ZBTB20: variants seen among roughly 807,000 people sequenced by gnomAD.
The protein encoded by ZBTB20 is zinc finger and BTB domain-containing protein 20.
A neutral mutation model predicts 56.9 loss-of-function variants in ZBTB20; 9 were observed. That is an observed-to-expected ratio of 0.16 (90% confidence interval 0.10 to 0.28). The LOEUF is 0.28. Ranked by LOEUF, ZBTB20 falls within the 10% of genes least tolerant of loss-of-function variation. The pLI is 1.00. For missense variants in ZBTB20, 655 were observed against 1,003.0 expected, an observed-to-expected ratio of 0.65 and a Z score of 4.69; for synonymous variants, 417 against 420.7, an observed-to-expected ratio of 0.99 and a Z score of 0.11.
chr3:114,380,889 C>A lies in ZBTB20; in HGVS notation c.-102G>T. The A allele has an allele frequency of 9.1e-7, 1 of 1,100,042 alleles. No individual in the cohort carries two copies. Among genetic ancestry groups the A allele is most frequent in the Non-Finnish European group, 1.2e-6 (1 of 823,778 alleles). 68.1% of individuals were successfully genotyped at this position (1,100,042 alleles called of 1,614,324 possible). A position where few individuals can be genotyped will look rare whatever the true frequency, so the allele number is the denominator to read the frequency against. ...CCGTACTAGCTGTGCCTCTAACTTG[C>A]TGTGTGGCCTTGGGCACCTCACTTC... is the stretch of plus-strand genomic sequence containing the variant. On this transcript the variant is annotated 5_prime_UTR_variant, in exon 9 of 12. Transcript: ENST00000675478.
intron 6 of ZBTB20, among the ~76,000 whole-genome samples, chr3:114,652,619 A>C (rs2060193571): frequency 6.6e-6 from 1 of 152,026 alleles, no homozygotes. Context: ...AAGTCTTGAA[A>C]TTAGGTAATG....
intron 6 of ZBTB20, among the ~76,000 whole-genome samples, chr3:114,516,095 T>G (rs978999714): frequency 1.3e-5 from 2 of 152,136 alleles, no homozygotes; most frequent in Non-Finnish European, 2.9e-5. Context: ...TTCTTTCTTT[T>G]AAAGGTCAGG....
In ZBTB20 at chr3:114,335,860, T is replaced by A. The variant is rs9851950; in HGVS notation, c.*3145A>T. On this transcript the variant is annotated 3_prime_UTR_variant, in exon 12 of 12. Coordinates refer to ENST00000675478, the MANE Select transcript of ZBTB20 (RefSeq NM_001348800.3). ...CCTTTACAGGGAAAGGATGATAGAC[T>A]CCTCAGGGTTTCAAGTCACCTGCAG... 2.2e-4 allele frequency: 33 copies of A among 151,922 alleles called. No homozygotes were observed. The highest frequency in any genetic ancestry group is 7.5e-4 in the African/African-American group (31 of 41,418). 9.4% of individuals were successfully genotyped at this position (151,922 alleles called of 1,614,324 possible).
At chr3:114,471,368 G>A (rs1338776737) in intron 7 of ZBTB20, among the ~76,000 whole-genome samples, 5 of 152,110 alleles carry the variant, frequency 3.3e-5, no homozygotes, top group Non-Finnish European at 7.4e-5. Flanking sequence ...CCAGAGCTTT[G>A]CTTTTTGTAC....
intron 2 of ZBTB20, among the ~76,000 whole-genome samples, chr3:115,035,568 C>T (rs1560512680): frequency 6.6e-6 from 1 of 151,668 alleles, no homozygotes; most frequent in Non-Finnish European, 1.5e-5. Flanking sequence ...CACACACACA[C>T]ACAAAACAAG....
At chr3:114,960,126 C>T (rs1411351739) in intron 3 of ZBTB20, among the ~76,000 whole-genome samples, 1 of 152,192 alleles carries the variant, frequency 6.6e-6, no homozygotes, top group Non-Finnish European at 1.5e-5. Context: ...ATTAAAGAAG[C>T]ATCTGCAAAT....
chr3:114,845,085 C>A (rs567337804), intron 4 of ZBTB20, among the ~76,000 whole-genome samples: 7 of 151,748 alleles, frequency 4.6e-5, no homozygotes, highest in African/African-American at 1.7e-4. Context: ...TCTAATTTAT[C>A]AACTTATTCT....
chr3:114,362,499 C>T (rs968463228), intron 10 of ZBTB20, among the ~76,000 whole-genome samples: 6 of 152,236 alleles, frequency 3.9e-5, no homozygotes, highest in Non-Finnish European at 8.8e-5. Context: ...ATGGTCCTGA[C>T]AGGGCTTTTT....
At chr3:115,009,177 C>G (rs2079595633) in intron 2 of ZBTB20, among the ~76,000 whole-genome samples, 1 of 151,566 alleles carries the variant, frequency 6.6e-6, no homozygotes, top group Admixed American at 6.6e-5. Flanking sequence ...TTTTTTAATG[C>G]TATATATTTT....
chr3:114,537,760 G>A (rs1423839706), intron 6 of ZBTB20, among the ~76,000 whole-genome samples: 5 of 152,118 alleles, frequency 3.3e-5, no homozygotes, highest in Non-Finnish European at 7.3e-5. Context: ...TGATAGACTG[G>A]ATAAAGAAAA....
intron 6 of ZBTB20, among the ~76,000 whole-genome samples, chr3:114,664,300 A>G (rs1330585325): frequency 1.3e-5 from 2 of 152,058 alleles, no homozygotes; most frequent in Non-Finnish European, 2.9e-5. Flanking sequence ...GAACTGAAGT[A>G]TAAGAAAATC....
At chr3:114,997,227 C>T (rs896487936) in intron 2 of ZBTB20, among the ~76,000 whole-genome samples, 1 of 151,762 alleles carries the variant, frequency 6.6e-6, no homozygotes, top group African/African-American at 2.4e-5. Context: ...CAGGTAGTTA[C>T]AAATCACTGG....
At chr3:114,356,988 T>C (rs1254993231) in intron 10 of ZBTB20, among the ~76,000 whole-genome samples, 2 of 152,184 alleles carry the variant, frequency 1.3e-5, no homozygotes, top group Non-Finnish European at 2.9e-5. Flanking sequence ...ACAAGATCTC[T>C]TTCTCCTATC....
At chr3:114,971,304 G>A (rs915080153) in intron 3 of ZBTB20, among the ~76,000 whole-genome samples, 4 of 152,146 alleles carry the variant, frequency 2.6e-5, no homozygotes, top group African/African-American at 7.2e-5. Flanking sequence ...GTGTAAGGTT[G>A]GGCCAGTGCC....
At chr3:114,709,326 T>C (rs1191565221) in intron 5 of ZBTB20, among the ~76,000 whole-genome samples, 2 of 152,012 alleles carry the variant, frequency 1.3e-5, no homozygotes, top group African/African-American at 2.4e-5. Context: ...ACACCCACAA[T>C]TGACCATAGG....
At chr3:114,433,648 A>T (rs1464670020) in intron 7 of ZBTB20, among the ~76,000 whole-genome samples, 1 of 152,168 alleles carries the variant, frequency 6.6e-6, no homozygotes, top group Non-Finnish European at 1.5e-5. Context: ...GTTGAGGGGG[A>T]TACAACTGTG....
intron 3 of ZBTB20, among the ~76,000 whole-genome samples, chr3:114,956,115 C>CA (rs534890645): frequency 1.3e-5 from 2 of 151,928 alleles, no homozygotes; most frequent in Non-Finnish European, 2.9e-5. Context: ...CAAAAGTATG[C>CA]AAAAAAATGC....
intron 2 of ZBTB20, among the ~76,000 whole-genome samples, chr3:115,035,742 G>A (rs1239613775): frequency 6.6e-6 from 1 of 152,164 alleles, no homozygotes; most frequent in African/African-American, 2.4e-5. Flanking sequence ...GGGTCTTGAA[G>A]AGATATTTGT....
chr3:114,894,997 G>T (rs530829876), intron 4 of ZBTB20, among the ~76,000 whole-genome samples: 2 of 152,010 alleles, frequency 1.3e-5, no homozygotes, highest in African/African-American at 2.4e-5. Context: ...TATTTTAAAA[G>T]AATCCTTTTC....
Sources: allele counts gnomAD v4.1 joint callset (sites outside exome capture counted in the v4.1 genomes callset), GRCh38; gene constraint gnomAD v4.1.1; transcripts MANE v1.5; gene names NCBI Gene and HGNC (gene_info 2026-07-23, HGNC 2026-07-21).